ANKRD36: variants seen among roughly 807,000 people sequenced by gnomAD.
ANKRD36 encodes the protein ankyrin repeat domain-containing protein 36A.
Under a neutral mutation model 278.1 loss-of-function variants are expected in ANKRD36, and 179 were observed. The observed-to-expected ratio is 0.64, with a 90% CI of 0.57 to 0.73. The LOEUF (loss-of-function observed/expected upper bound fraction) is 0.73, where lower values mean the gene tolerates loss of function less well. ANKRD36 is among the 30% of genes least tolerant of loss of function. The probability of loss-of-function intolerance (pLI) is 0.00; values close to 1 mark genes in which losing one functional copy is unlikely to be tolerated. For missense variants in ANKRD36, 1,159 were observed against 1,956.7 expected (o/e 0.59, Z 7.69); for synonymous variants, 320 against 641.1 (o/e 0.50, Z 7.57).
chr2:97,200,423 A>G (rs1199687212), intron 45 of ANKRD36, 30 bp from the exon 46 acceptor site: 1 of 1,600,976 alleles, frequency 6.2e-7, no homozygotes. Flanking sequence ...AACATACCTT[A>G]TTTATTACTT....
intron 46 of ANKRD36, among the ~76,000 whole-genome samples, chr2:97,201,526 A>G (rs1417562923): frequency 2.0e-5 from 3 of 151,938 alleles, no homozygotes; most frequent in Non-Finnish European, 2.9e-5. Context: ...TGAGGCTAAT[A>G]TATTATCCTT....
At chr2:97,190,040 G>A (rs1292696014) in intron 34 of ANKRD36, among the ~76,000 whole-genome samples, 1 of 86,328 alleles carries the variant, frequency 1.2e-5, no homozygotes, top group African/African-American at 2.7e-5. Context: ...GAATACATTG[G>A]CTTCCTTGTT....
intron 56 of ANKRD36, among the ~76,000 whole-genome samples, chr2:97,210,954 A>G (rs1456002932): frequency 6.6e-6 from 1 of 151,886 alleles, no homozygotes; most frequent in Admixed American, 6.6e-5. Flanking sequence ...GAAAATTATT[A>G]CACCACATGG....
intron 48 of ANKRD36, among the ~76,000 whole-genome samples, chr2:97,203,005 G>A (rs1446616474): frequency 6.6e-6 from 1 of 151,756 alleles, no homozygotes; most frequent in Admixed American, 6.6e-5. Flanking sequence ...GAAGAAGGAA[G>A]CAATCCTAGA....
intron 46 of ANKRD36, among the ~76,000 whole-genome samples, chr2:97,201,303 T>C (rs1165945104): frequency 6.6e-6 from 1 of 151,930 alleles, no homozygotes; most frequent in African/African-American, 2.4e-5. Context: ...ATAAAATAGC[T>C]GTTTAATGAA....
intron 50 of ANKRD36, 151 bp from the exon 51 acceptor site, chr2:97,205,789 C>T: frequency 1.7e-6 from 2 of 1,176,502 alleles, no homozygotes; most frequent in East Asian, 2.6e-5. Flanking sequence ...GTATTTGTGT[C>T]ATTTTCTAGT....
At chr2:97,129,244 T>C (rs1574634017) in intron 6 of ANKRD36, among the ~76,000 whole-genome samples, 2 of 152,172 alleles carry the variant, frequency 1.3e-5, no homozygotes, top group Admixed American at 1.3e-4. Context: ...CATTTTTTCA[T>C]GTTTTTTGGC....
intron 67 of ANKRD36, among the ~76,000 whole-genome samples, chr2:97,225,485 A>G (rs1174022612): frequency 1.3e-5 from 2 of 151,990 alleles, no homozygotes. Flanking sequence ...GAAAATCTCT[A>G]AATATTGTTA....
chr2:97,154,401 T>C (rs1328586892), intron 14 of ANKRD36, among the ~76,000 whole-genome samples: 1 of 148,294 alleles, frequency 6.7e-6, no homozygotes, highest in Non-Finnish European at 1.5e-5. Context: ...ATAATGCCTG[T>C]CACTATTTGT....
intron 40 of ANKRD36, among the ~76,000 whole-genome samples, chr2:97,195,300 A>G (rs375432418): frequency 2.0e-5 from 3 of 152,052 alleles, no homozygotes; most frequent in Admixed American, 2.0e-4. Flanking sequence ...AACTGTTCAT[A>G]ATAACCCATA....
At chr2:97,139,329 A>T (rs891454800) in intron 6 of ANKRD36, among the ~76,000 whole-genome samples, 2 of 152,040 alleles carry the variant, frequency 1.3e-5, no homozygotes. Flanking sequence ...AATCACCCAA[A>T]TGCACATTAA....
chr2:97,207,781 G>C (rs1266939511), intron 52 of ANKRD36, 30 bp from the exon 53 acceptor site: 1 of 1,544,192 alleles, frequency 6.5e-7, no homozygotes, highest in African/African-American at 1.4e-5. Flanking sequence ...TTTTACACAT[G>C]AGTGATTATG....
intron 6 of ANKRD36, among the ~76,000 whole-genome samples, chr2:97,138,799 A>T (rs974841483): frequency 1.3e-5 from 2 of 152,066 alleles, no homozygotes; most frequent in African/African-American, 4.8e-5. Flanking sequence ...ACACCATCTG[A>T]TCTTTGACAA....
intron 62 of ANKRD36, among the ~76,000 whole-genome samples, chr2:97,216,245 C>G (rs1470901472): frequency 1.3e-5 from 2 of 151,880 alleles, no homozygotes; most frequent in African/African-American, 4.8e-5. Context: ...ACATTGGCTT[C>G]ATTGTTCAAG....
intron 48 of ANKRD36, among the ~76,000 whole-genome samples, chr2:97,203,846 A>G (rs1401857208): frequency 1.3e-5 from 2 of 151,826 alleles, no homozygotes; most frequent in African/African-American, 2.4e-5. Flanking sequence ...CATATGACAA[A>G]TCATACCATG....
chr2:97,197,046 T>TG (rs1328619513), intron 42 of ANKRD36, among the ~76,000 whole-genome samples: 1 of 151,906 alleles, frequency 6.6e-6, no homozygotes, highest in Non-Finnish European at 1.5e-5. Context: ...TAAGGGTCTC[T>TG]GGGGAACAGC....
At chr2:97,229,336 A>G (rs1199153810) in intron 67 of ANKRD36, among the ~76,000 whole-genome samples, 5 of 151,834 alleles carry the variant, frequency 3.3e-5, no homozygotes, top group Admixed American at 6.6e-5. Flanking sequence ...TTGGGTGCAT[A>G]TATATTTAGG....
At chr2:97,199,760 G>C (rs1315988617) in intron 44 of ANKRD36, among the ~76,000 whole-genome samples, 1 of 151,898 alleles carries the variant, frequency 6.6e-6, no homozygotes, top group Non-Finnish European at 1.5e-5. Context: ...GGGTGTGAGA[G>C]ATAATGAATA....
At chr2:97,202,458 A>G (rs2061653302) in intron 48 of ANKRD36, 65 bp downstream of exon 48, 4 of 1,535,882 alleles carry the variant, frequency 2.6e-6, no homozygotes, top group South Asian at 2.4e-5. Context: ...TCTTCCCCAA[A>G]TAAATCAGCG....
Sources: allele counts gnomAD v4.1 joint callset (sites outside exome capture counted in the v4.1 genomes callset), GRCh38; gene constraint gnomAD v4.1.1; transcripts MANE v1.5; gene names NCBI Gene and HGNC (gene_info 2026-07-23, HGNC 2026-07-21).